RALYL: variants seen among roughly 807,000 people sequenced by gnomAD.
The protein encoded by RALYL is RALY RNA binding protein like, also known as RNA-binding Raly-like protein.
Under a neutral mutation model 35.1 loss-of-function variants are expected in RALYL, and 29 were observed. The observed-to-expected ratio is 0.83, with a 90% CI of 0.61 to 1.13. The LOEUF is 1.13. Among genes scored for constraint, RALYL ranks in the 50% most tolerant of loss-of-function variants. The probability of loss-of-function intolerance (pLI) is 0.00; values close to 1 mark genes in which losing one functional copy is unlikely to be tolerated. For missense variants in RALYL, 359 were observed against 360.4 expected, an observed-to-expected ratio of 1.00 and a Z score of 0.03; for synonymous variants, 120 against 127.6, an observed-to-expected ratio of 0.94 and a Z score of 0.40.
intron 1 of RALYL, among the ~76,000 whole-genome samples, chr8:84,250,843 GC>G (rs1253980905): frequency 1.3e-5 from 2 of 151,952 alleles, no homozygotes; most frequent in African/African-American, 2.4e-5. Context: ...GAACCAAACA[GC>G]CCCATTTTCA....
intron 4 of RALYL, among the ~76,000 whole-genome samples, chr8:84,822,413 G>T (rs1828737317): frequency 6.6e-6 from 1 of 152,076 alleles, no homozygotes; most frequent in Non-Finnish European, 1.5e-5. Flanking sequence ...TCTTGTGAAA[G>T]GATTTGATAG....
intron 1 of RALYL, among the ~76,000 whole-genome samples, chr8:84,414,050 G>A (rs529609914): frequency 6.6e-6 from 1 of 152,128 alleles, no homozygotes; most frequent in African/African-American, 2.4e-5. Flanking sequence ...GGTAATTAAA[G>A]TGCATATTTA....
intron 1 of RALYL, among the ~76,000 whole-genome samples, chr8:84,513,681 A>G (rs2057807566): frequency 6.6e-6 from 1 of 152,182 alleles, no homozygotes; most frequent in African/African-American, 2.4e-5. Flanking sequence ...TGCATATTCT[A>G]TAATTGTTTC....
chr8:84,401,433 C>T (rs1397476686), intron 1 of RALYL, among the ~76,000 whole-genome samples: 1 of 151,556 alleles, frequency 6.6e-6, no homozygotes, highest in Non-Finnish European at 1.5e-5. Flanking sequence ...GTCAGGAGAT[C>T]GAGACCATCT....
intron 1 of RALYL, among the ~76,000 whole-genome samples, chr8:84,396,367 G>C (rs973864374): frequency 1.3e-5 from 2 of 151,880 alleles, no homozygotes; most frequent in Non-Finnish European, 2.9e-5. Context: ...TCAAATCTCA[G>C]GTCTGCATTT....
intron 1 of RALYL, among the ~76,000 whole-genome samples, chr8:84,326,281 A>C (rs934903902): frequency 1.3e-5 from 2 of 152,050 alleles, no homozygotes; most frequent in African/African-American, 4.8e-5. Context: ...TATTCCTCTA[A>C]TCCTTATACT....
intron 1 of RALYL, among the ~76,000 whole-genome samples, chr8:84,501,505 T>G (rs573171631): frequency 1.3e-5 from 2 of 152,184 alleles, no homozygotes; most frequent in African/African-American, 4.8e-5. Context: ...CTATTTGACA[T>G]ATTCTGTGAT....
At chr8:84,241,561 A>C (rs2131571171) in intron 1 of RALYL, among the ~76,000 whole-genome samples, 1 of 151,954 alleles carries the variant, frequency 6.6e-6, no homozygotes, top group South Asian at 2.1e-4. Context: ...GCAGATCACG[A>C]GGTCAAGAGT....
chr8:84,853,434 CA>C (rs1351474705), intron 5 of RALYL, among the ~76,000 whole-genome samples: 1 of 152,146 alleles, frequency 6.6e-6, no homozygotes, highest in Non-Finnish European at 1.5e-5. Context: ...TCTTACTTGC[CA>C]AAGAACAAGA....
chr8:84,252,699 G>A (rs1422388206), intron 1 of RALYL, among the ~76,000 whole-genome samples: 1 of 152,062 alleles, frequency 6.6e-6, no homozygotes, highest in Non-Finnish European at 1.5e-5. Context: ...CACATGACCT[G>A]CTTTTCTCTA....
At chr8:84,356,933 CA>C (rs1234091608) in intron 1 of RALYL, among the ~76,000 whole-genome samples, 4,313 of 144,990 alleles carry the variant, frequency 0.03, 227 homozygotes, top group African/African-American at 0.049. Context: ...TATATGGAAT[CA>C]CAACAAACAC....
intron 2 of RALYL, among the ~76,000 whole-genome samples, chr8:84,637,843 C>T (rs1262857553): frequency 1.3e-5 from 2 of 151,700 alleles, no homozygotes; most frequent in African/African-American, 4.8e-5. Flanking sequence ...TAAGTAAGCT[C>T]ATAATTAGTA....
At chr8:84,698,934 A>AC (rs758568543) in intron 2 of RALYL, among the ~76,000 whole-genome samples, 18 of 152,206 alleles carry the variant, frequency 1.2e-4, no homozygotes, top group Non-Finnish European at 2.5e-4. Flanking sequence ...CATCCTGCAA[A>AC]CACCTCAGAA....
At chr8:84,418,444 G>T (rs576124741) in intron 1 of RALYL, among the ~76,000 whole-genome samples, 1 of 152,032 alleles carries the variant, frequency 6.6e-6, no homozygotes, top group Non-Finnish European at 1.5e-5. Context: ...GTCTAGAACC[G>T]CCATTATTTG....
chr8:84,466,898 C>A (rs1034032995), intron 1 of RALYL, among the ~76,000 whole-genome samples: 125 of 151,634 alleles, frequency 8.2e-4, no homozygotes, highest in African/African-American at 2.9e-3. Context: ...GGAATTTATC[C>A]ATTTCTTCTA....
intron 1 of RALYL, among the ~76,000 whole-genome samples, chr8:84,426,986 C>T (rs972381394): frequency 6.6e-6 from 1 of 152,080 alleles, no homozygotes; most frequent in Non-Finnish European, 1.5e-5. Context: ...ATAAAGATAC[C>T]TGCACTCCCA....
chr8:84,270,522 T>G (rs1798100779), intron 1 of RALYL, among the ~76,000 whole-genome samples: 1 of 151,794 alleles, frequency 6.6e-6, no homozygotes, highest in Non-Finnish European at 1.5e-5. Flanking sequence ...ACTTCTGGCT[T>G]GAGGTTTCGA....
chr8:84,216,476 A>G (rs544956287), intron 1 of RALYL, among the ~76,000 whole-genome samples: 3 of 152,244 alleles, frequency 2.0e-5, no homozygotes, highest in Admixed American at 2.0e-4. Flanking sequence ...GTTATGGGCT[A>G]TGTATAGTTA....
intron 2 of RALYL, among the ~76,000 whole-genome samples, chr8:84,637,340 AAGT>A (rs372941927): frequency 6.0e-4 from 91 of 151,808 alleles, no homozygotes; most frequent in African/African-American, 2.1e-3. Context: ...ATAGTAGAGG[AAGT>A]AGTAGTAGTA....
Sources: gnomAD v4.1 joint callset for allele counts (sites outside exome capture counted in the v4.1 genomes callset) on GRCh38, gnomAD v4.1.1 for gene constraint, MANE v1.5 for transcripts, NCBI Gene and HGNC (gene_info 2026-07-23, HGNC 2026-07-21) for gene names.